The following PDE6D variants were observed in gnomAD, a reference collection of about 807,000 sequenced individuals.
PDE6D encodes the protein phosphodiesterase 6D.
A neutral mutation model predicts 21.9 loss-of-function variants in PDE6D; 10 were observed. The ratio of observed to expected loss-of-function variants is 0.46; its 90% CI spans 0.28 to 0.78. The LOEUF (loss-of-function observed/expected upper bound fraction) is 0.78, where lower values mean the gene tolerates loss of function less well. Ranked by LOEUF, PDE6D falls within the 30% of genes least tolerant of loss-of-function variation. The pLI is 0.12. For missense variants in PDE6D, 139 were observed against 184.8 expected, an observed-to-expected ratio of 0.75 and a Z score of 1.44; for synonymous variants, 59 against 63.5, an observed-to-expected ratio of 0.93 and a Z score of 0.34.
intron 1 of PDE6D, among the ~76,000 whole-genome samples, chr2:231,761,146 T>C (rs1460153940): frequency 6.6e-6 from 1 of 152,182 alleles, no homozygotes; most frequent in Non-Finnish European, 1.5e-5. Flanking sequence ...CCATTGATTG[T>C]ATTGGCCCAA....
At chr2:231,750,387 G>C (rs965962034) in intron 1 of PDE6D, among the ~76,000 whole-genome samples, 2 of 152,020 alleles carry the variant, frequency 1.3e-5, no homozygotes, top group Admixed American at 6.6e-5. Flanking sequence ...AGGTGGTATA[G>C]AGGGGGACAA....
At chr2:231,774,975 T>A (rs906077427) in intron 1 of PDE6D, among the ~76,000 whole-genome samples, 1 of 151,832 alleles carries the variant, frequency 6.6e-6, no homozygotes, top group Non-Finnish European at 1.5e-5. Context: ...TGCAGTGGTG[T>A]GATCTCAGCT....
intron 4 of PDE6D, among the ~76,000 whole-genome samples, chr2:231,736,938 T>A (rs2048706637): frequency 6.6e-6 from 1 of 152,188 alleles, no homozygotes; most frequent in African/African-American, 2.4e-5. Context: ...TCAGGGTGAA[T>A]CAGGAATTTA....
chr2:231,781,038 G>A lies in PDE6D; in HGVS notation c.50+27C>T. 15 of 1,604,812 alleles carry A rather than the reference G, an allele frequency of 9.3e-6. 1 individual carries two copies. Among genetic ancestry groups the A allele is most frequent in the Non-Finnish European group, 1.3e-5 (15 of 1,173,172 alleles). On this transcript the variant is annotated intron_variant, in intron 1 of 4. Transcript: ENST00000287600. ...GAGCGGCCGCCTCCCAAGTCCTCCC[G>A]GCCCCGCCCCGCTCCCGGACGGATA...
chr2:231,739,253 T>C lies in PDE6D; in HGVS notation c.51-65A>G, dbSNP rs1238901475. 1.0e-6 allele frequency: 1 copy of C among 994,572 alleles called. No homozygotes were observed. The highest frequency in any genetic ancestry group is 1.6e-6 in the Non-Finnish European group (1 of 615,680). 61.6% of individuals were successfully genotyped at this position (994,572 alleles called of 1,614,324 possible). A position where few individuals can be genotyped will look rare whatever the true frequency, so the allele number is the denominator to read the frequency against. ...TGACTCCCACTTTGTATTCTAGGTG[T>C]CTCATGTTTACTCCCACCAACTCTT... On this transcript the variant is annotated intron_variant, in intron 1 of 4. Coordinates refer to ENST00000287600, the MANE Select transcript of PDE6D (RefSeq NM_002601.4). This position sits in a 1 kb window ranked among gnomAD's most constrained non-coding sequence, Gnocchi z 4.2.
intron 4 of PDE6D, among the ~76,000 whole-genome samples, chr2:231,735,087 G>GTAAAAAAAA (rs2048687484): frequency 7.1e-6 from 1 of 141,372 alleles, no homozygotes; most frequent in Non-Finnish European, 1.5e-5. Flanking sequence ...CTAAAAATAC[G>GTAAAAAAAA]AAAAATTAGC....
intron 1 of PDE6D, among the ~76,000 whole-genome samples, chr2:231,755,370 G>A (rs530433264): frequency 6.6e-6 from 1 of 152,254 alleles, no homozygotes; most frequent in African/African-American, 2.4e-5. Context: ...ACTTCTATAA[G>A]CACCAAAGTG....
At chr2:231,780,947 C>G (rs1339273412) in intron 1 of PDE6D, 118 bp downstream of exon 1, 7 of 915,940 alleles carry the variant, frequency 7.6e-6, no homozygotes, top group Non-Finnish European at 1.2e-5. Flanking sequence ...TTCCTCTCCC[C>G]TCCCGCGGCC....
chr2:231,734,387 CA>C (rs559810578), intron 4 of PDE6D, among the ~76,000 whole-genome samples: 25 of 139,444 alleles, frequency 1.8e-4, no homozygotes, highest in East Asian at 1.1e-3. Context: ...GAGACCGTCT[CA>C]AAAAAAAACA....
chr2:231,762,469 C>T (rs754693196), intron 1 of PDE6D, among the ~76,000 whole-genome samples: 24 of 151,614 alleles, frequency 1.6e-4, no homozygotes, highest in Admixed American at 2.6e-4. Flanking sequence ...CTCAGCCTCC[C>T]GAGTAGCTGG....
At chr2:231,743,815 G>C (rs1365999838) in intron 1 of PDE6D, among the ~76,000 whole-genome samples, 1 of 151,908 alleles carries the variant, frequency 6.6e-6, no homozygotes, top group Non-Finnish European at 1.5e-5. Context: ...CACATCCCAG[G>C]GTCTCTATAT....
At chr2:231,773,095 A>T (rs545793638) in intron 1 of PDE6D, among the ~76,000 whole-genome samples, 2 of 152,252 alleles carry the variant, frequency 1.3e-5, no homozygotes, top group East Asian at 3.9e-4. Context: ...TACGAAAATT[A>T]GCTGGGTATA....
chr2:231,750,318 G>A lies in PDE6D; in HGVS notation c.51-11130C>T, dbSNP rs193175605. Among the ~76,000 whole-genome samples the A allele has an allele frequency of 8.5e-4, 129 of 152,032 alleles. 1 individual carries two copies. The highest frequency in any genetic ancestry group is 2.7e-3 in the African/African-American group (112 of 41,446). On this transcript the variant is annotated intron_variant, in intron 1 of 4. Transcript: ENST00000287600. ...AAACTAATACAACCTACTATGTACCGGTATTAATGTCAAAGTTGCATCTAA... is the reference window on the plus strand; with the variant it reads ...AAACTAATACAACCTACTATGTACCAGTATTAATGTCAAAGTTGCATCTAA...
chr2:231,772,975 C>T (rs1004745865), intron 1 of PDE6D, among the ~76,000 whole-genome samples: 3 of 152,160 alleles, frequency 2.0e-5, no homozygotes, highest in East Asian at 3.8e-4. Context: ...TGGTGGCTCA[C>T]GTCTGTAATC....
intron 1 of PDE6D, among the ~76,000 whole-genome samples, chr2:231,751,331 A>G (rs1409502393): frequency 6.6e-6 from 1 of 152,048 alleles, no homozygotes; most frequent in Non-Finnish European, 1.5e-5. Context: ...AATTTTTTAA[A>G]AACATTTTTT....
chr2:231,744,157 T>G (rs960495452), intron 1 of PDE6D, among the ~76,000 whole-genome samples: 1 of 152,202 alleles, frequency 6.6e-6, no homozygotes, highest in Non-Finnish European at 1.5e-5. Flanking sequence ...TGCACAAAGC[T>G]GCAGTTGGAG....
intron 1 of PDE6D, among the ~76,000 whole-genome samples, chr2:231,752,468 A>G (rs1475683446): frequency 6.6e-6 from 1 of 152,262 alleles, no homozygotes; most frequent in African/African-American, 2.4e-5. Context: ...TTATTATGCC[A>G]TAATTCTTCA....
intron 1 of PDE6D, among the ~76,000 whole-genome samples, chr2:231,778,140 C>T (rs1401037086): frequency 6.6e-6 from 1 of 152,102 alleles, no homozygotes; most frequent in Admixed American, 6.5e-5. Context: ...GTGGCATGCA[C>T]CTGTAATCCC....
chr2:231,736,734 C>T (rs1484591431), intron 4 of PDE6D, among the ~76,000 whole-genome samples: 4 of 152,096 alleles, frequency 2.6e-5, no homozygotes, highest in Non-Finnish European at 4.4e-5. Context: ...ACAGAGATAC[C>T]GGAAGTACGG....
Sources: allele counts gnomAD v4.1 joint callset (sites outside exome capture counted in the v4.1 genomes callset), GRCh38; gene constraint gnomAD v4.1.1; non-coding constraint Gnocchi (gnomAD v3.1); transcripts MANE v1.5; gene names NCBI Gene and HGNC (gene_info 2026-07-23, HGNC 2026-07-21).